PIP4K2A: variants seen among roughly 807,000 people sequenced by gnomAD.
PIP4K2A encodes the protein phosphatidylinositol-5-phosphate 4-kinase type 2 alpha.
In PIP4K2A, 14 loss-of-function variants were observed where a neutral mutation model predicts 42.9. That is an observed-to-expected ratio of 0.33 (90% CI 0.22 to 0.51). The LOEUF (loss-of-function observed/expected upper bound fraction) is 0.51, where lower values mean the gene tolerates loss of function less well. Ranked by LOEUF, PIP4K2A falls within the 20% of genes least tolerant of loss-of-function variation. The probability of loss-of-function intolerance (pLI) is 0.97; values close to 1 mark genes in which losing one functional copy is unlikely to be tolerated. For missense variants in PIP4K2A, 434 were observed against 519.8 expected (o/e 0.83, Z 1.61); for synonymous variants, 192 against 192.2 (o/e 1.00, Z 0.01).
intron 1 of PIP4K2A, among the ~76,000 whole-genome samples, chr10:22,642,562 G>A (rs1056760172): frequency 3.1e-5 from 4 of 127,278 alleles, no homozygotes; most frequent in East Asian, 2.3e-4. Flanking sequence ...GATCATGTGT[G>A]TCTGTATGTA....
intron 4 of PIP4K2A, among the ~76,000 whole-genome samples, chr10:22,590,777 G>A (rs1476669995): frequency 6.6e-6 from 1 of 152,178 alleles, no homozygotes; most frequent in Non-Finnish European, 1.5e-5. Context: ...GGCTGGGGTG[G>A]GAGGACTGCT....
At chr10:22,681,121 C>A (rs1839652059) in intron 1 of PIP4K2A, among the ~76,000 whole-genome samples, 1 of 152,190 alleles carries the variant, frequency 6.6e-6, no homozygotes, top group African/African-American at 2.4e-5. Context: ...TTTTTCTTGT[C>A]ATTTCTTCTC....
At chr10:22,713,591 G>C (rs969669833) in intron 1 of PIP4K2A, among the ~76,000 whole-genome samples, 5 of 152,354 alleles carry the variant, frequency 3.3e-5, no homozygotes, top group African/African-American at 1.2e-4. Flanking sequence ...AAGCCGACTT[G>C]TGCCCAGTAA....
chr10:22,690,288 C>T (rs1839838773), intron 1 of PIP4K2A, among the ~76,000 whole-genome samples: 1 of 152,046 alleles, frequency 6.6e-6, no homozygotes, highest in South Asian at 2.1e-4. Context: ...ATTCACTTGC[C>T]CAAGGTCACA....
chr10:22,556,334 C>A (rs1299407379), intron 6 of PIP4K2A, among the ~76,000 whole-genome samples: 2 of 152,160 alleles, frequency 1.3e-5, no homozygotes, highest in African/African-American at 2.4e-5. Context: ...GCTAGAAAAA[C>A]CTCTGTGATC....
intron 1 of PIP4K2A, among the ~76,000 whole-genome samples, chr10:22,633,881 C>T (rs1443456021): frequency 6.6e-6 from 1 of 152,154 alleles, no homozygotes; most frequent in African/African-American, 2.4e-5. Flanking sequence ...CTTCTCAAGG[C>T]ATCTCAGATG....
intron 7 of PIP4K2A, 33 bp downstream of exon 7, chr10:22,550,626 A>T (rs1836386631): frequency 9.0e-7 from 1 of 1,113,198 alleles, no homozygotes; most frequent in Admixed American, 1.7e-5. Context: ...ATATTTATAC[A>T]ATGAGTCTGG....
chr10:22,619,649 C>G (rs1236262124), intron 1 of PIP4K2A, among the ~76,000 whole-genome samples: 1 of 152,010 alleles, frequency 6.6e-6, no homozygotes, highest in Non-Finnish European at 1.5e-5. Flanking sequence ...GTTAGCCAGG[C>G]TGGTCTCGAA....
chr10:22,713,137 G>C (rs1257024615), intron 1 of PIP4K2A, among the ~76,000 whole-genome samples: 1 of 152,198 alleles, frequency 6.6e-6, no homozygotes, highest in Non-Finnish European at 1.5e-5. Flanking sequence ...TGAGCCAACA[G>C]CTCCGATCAT....
chr10:22,708,066 G>T (rs1356954287), intron 1 of PIP4K2A, among the ~76,000 whole-genome samples: 2 of 152,158 alleles, frequency 1.3e-5, no homozygotes. Flanking sequence ...CTGGTTAGGA[G>T]TGACAGAAGT....
intron 4 of PIP4K2A, among the ~76,000 whole-genome samples, chr10:22,589,883 T>G (rs1375708357): frequency 6.6e-6 from 1 of 152,190 alleles, no homozygotes; most frequent in Admixed American, 6.5e-5. Context: ...CTATTTAAGT[T>G]AAAAACACCG....
intron 1 of PIP4K2A, among the ~76,000 whole-genome samples, chr10:22,711,912 T>G (rs1353129422): frequency 6.6e-6 from 1 of 152,124 alleles, no homozygotes; most frequent in Admixed American, 6.5e-5. Context: ...ATAGACATTT[T>G]GAAAAAAAAG....
intron 1 of PIP4K2A, among the ~76,000 whole-genome samples, chr10:22,679,830 C>T (rs1477027124): frequency 6.6e-6 from 1 of 152,036 alleles, no homozygotes; most frequent in Non-Finnish European, 1.5e-5. Context: ...TACAAATCTA[C>T]AGAGACAGGA....
intron 3 of PIP4K2A, among the ~76,000 whole-genome samples, chr10:22,605,332 C>T (rs760356534): frequency 6.6e-6 from 1 of 152,172 alleles, no homozygotes; most frequent in Non-Finnish European, 1.5e-5. Context: ...AAGAGTTTAA[C>T]GGACTTGCCA....
chr10:22,640,534 G>C (rs114043054), intron 1 of PIP4K2A, among the ~76,000 whole-genome samples: 59 of 152,286 alleles, frequency 3.9e-4, no homozygotes, highest in African/African-American at 1.4e-3. Context: ...AAAGGGCTCC[G>C]GGAGTGGATT....
At chr10:22,639,927 C>A (rs937590872) in intron 1 of PIP4K2A, among the ~76,000 whole-genome samples, 2 of 151,602 alleles carry the variant, frequency 1.3e-5, no homozygotes, top group Non-Finnish European at 2.9e-5. Flanking sequence ...CAATTTCCAG[C>A]CAGATATCAA....
In PIP4K2A at chr10:22,655,495, T is replaced by G. The variant is rs556893616; in HGVS notation, c.145-45778A>C. Among the ~76,000 whole-genome samples the G allele has an allele frequency of 3.3e-5, 5 of 152,378 alleles. No individual in the cohort carries two copies. In the East Asian group the frequency reaches 7.7e-4, roughly 23 times the overall value. ...ATTTAGCCAGTTCACAGCTGTGCGG[T>G]CTTTTTCATTTGTCTTAAAATTACA... is the stretch of plus-strand genomic sequence containing the variant. On this transcript the variant is annotated intron_variant, in intron 1 of 9. Coordinates refer to ENST00000376573, the MANE Select transcript of PIP4K2A (RefSeq NM_005028.5).
At chr10:22,679,509 A>T (rs1318249697) in intron 1 of PIP4K2A, among the ~76,000 whole-genome samples, 1 of 152,210 alleles carries the variant, frequency 6.6e-6, no homozygotes, top group Non-Finnish European at 1.5e-5. Flanking sequence ...TTCCTCAGAA[A>T]ATTAAACACA....
At chr10:22,572,114 G>A (rs539270121) in intron 5 of PIP4K2A, among the ~76,000 whole-genome samples, 1 of 152,276 alleles carries the variant, frequency 6.6e-6, no homozygotes, top group East Asian at 1.9e-4. Context: ...GAGCGTGAAA[G>A]CGTTGAGACC....
Sources: gnomAD v4.1 joint callset for allele counts (sites outside exome capture counted in the v4.1 genomes callset) on GRCh38, gnomAD v4.1.1 for gene constraint, MANE v1.5 for transcripts, NCBI Gene and HGNC (gene_info 2026-07-23, HGNC 2026-07-21) for gene names.